Variants in TSHR observed in about 807,000 individuals in gnomAD.
The protein encoded by TSHR is thyrotropin receptor.
Under a neutral mutation model 64.1 loss-of-function variants are expected in TSHR, and 51 were observed. That is an observed-to-expected ratio of 0.80 (90% CI 0.64 to 1.01). The LOEUF is 1.01. TSHR is among the 50% of genes least tolerant of loss of function. TSHR has a pLI of 0.00. For synonymous variants in TSHR, 361 were observed against 361.9 expected (o/e 1.00, Z 0.03); for missense variants, 877 against 942.8 (o/e 0.93, Z 0.91).
intron 1 of TSHR, among the ~76,000 whole-genome samples, chr14:80,985,854 A>T (rs1441634666): frequency 1.3e-5 from 2 of 152,210 alleles, no homozygotes; most frequent in African/African-American, 4.8e-5. Context: ...CAGTGGGAAG[A>T]TCTTTGCTGA....
At chr14:80,962,738 A>C (rs2139689041) in intron 1 of TSHR, among the ~76,000 whole-genome samples, 1 of 152,366 alleles carries the variant, frequency 6.6e-6, no homozygotes, top group South Asian at 2.1e-4. Context: ...GATGGAGGCC[A>C]AACTAGCTTC....
intron 8 of TSHR, among the ~76,000 whole-genome samples, chr14:81,136,718 C>T (rs1484983650): frequency 6.6e-6 from 1 of 152,196 alleles, no homozygotes; most frequent in Non-Finnish European, 1.5e-5. Flanking sequence ...TGAGCACCTA[C>T]CATATGCCAA....
At chr14:81,083,073 C>G (rs1306304776) in intron 3 of TSHR, among the ~76,000 whole-genome samples, 2 of 152,090 alleles carry the variant, frequency 1.3e-5, no homozygotes, top group Non-Finnish European at 2.9e-5. Flanking sequence ...AAGTGTTTTC[C>G]CCTTCTTCTG....
intron 1 of TSHR, among the ~76,000 whole-genome samples, chr14:81,023,586 T>A (rs1883888037): frequency 6.6e-6 from 1 of 152,118 alleles, no homozygotes; most frequent in Admixed American, 6.6e-5. Context: ...AGGGGCATTG[T>A]TCAATATCAA....
chr14:80,992,827 TAACTATAAA>T (rs1888809589), intron 1 of TSHR: 1 of 152,204 alleles, frequency 6.6e-6, no homozygotes, highest in Non-Finnish European at 1.5e-5. Flanking sequence ...GAGCTGCAGT[TAACTATAAA>T]AACAGGAAAG....
chr14:80,974,383 G>T (rs1223042626), intron 1 of TSHR, among the ~76,000 whole-genome samples: 1 of 152,160 alleles, frequency 6.6e-6, no homozygotes, highest in African/African-American at 2.4e-5. Flanking sequence ...AGTCTAACTA[G>T]GGGGTCTCTG....
chr14:80,963,072 A>G (rs1317205024), intron 1 of TSHR, among the ~76,000 whole-genome samples: 1 of 152,242 alleles, frequency 6.6e-6, no homozygotes, highest in Admixed American at 6.5e-5. Flanking sequence ...TTACTCAATT[A>G]TACATTTTAA....
rs549408999 is a variant in TSHR at position 81,070,284 on chromosome 14, G to A, written c.317+1956G>A. On this transcript the variant is annotated intron_variant, in intron 3 of 9. Coordinates refer to ENST00000298171, the MANE Select transcript of TSHR (RefSeq NM_000369.5). ...GGATAAATACGAAGAAAGCTACATCGAGGCACATCATAGTAAAATTGCTAA... is the reference window on the plus strand; with the variant it reads ...GGATAAATACGAAGAAAGCTACATCAAGGCACATCATAGTAAAATTGCTAA... 1.1e-4 allele frequency among the ~76,000 whole-genome samples: 16 copies of A among 152,172 alleles called. 1 individual carries two copies. Among genetic ancestry groups the A allele is most frequent in the South Asian group, 4.2e-4 (2 of 4,812 alleles).
chr14:80,976,355 A>T (rs1887875020), intron 1 of TSHR, among the ~76,000 whole-genome samples: 1 of 152,144 alleles, frequency 6.6e-6, no homozygotes. Flanking sequence ...TAACTTAGGG[A>T]GTAGTCTGAC....
chr14:81,080,529 A>G (rs1227015659), intron 3 of TSHR, among the ~76,000 whole-genome samples: 3 of 152,152 alleles, frequency 2.0e-5, no homozygotes, highest in African/African-American at 7.2e-5. Flanking sequence ...ATTTTCTTCA[A>G]TGTGCTTTAA....
intron 8 of TSHR, among the ~76,000 whole-genome samples, chr14:81,129,745 C>A (rs1270288109): frequency 1.3e-5 from 2 of 152,218 alleles, no homozygotes; most frequent in Non-Finnish European, 2.9e-5. Flanking sequence ...ACCCATCTTC[C>A]TGTGTCTATG....
chr14:81,113,077 G>T (rs147198068), intron 8 of TSHR, among the ~76,000 whole-genome samples: 1 of 152,136 alleles, frequency 6.6e-6, no homozygotes. Context: ...GGAACATGCC[G>T]GCTGTTGTGT....
intron 3 of TSHR, among the ~76,000 whole-genome samples, chr14:81,075,254 C>T (rs1384216189): frequency 6.6e-6 from 1 of 152,204 alleles, no homozygotes; most frequent in East Asian, 1.9e-4. Flanking sequence ...CCTCCCAGCT[C>T]CAGAAATTCT....
rs778471035 is a variant in TSHR, at chr14:81,096,592, A to C, written c.546-47A>C. On this transcript the variant is annotated intron_variant, in intron 6 of 9. Transcript: ENST00000298171. The stretch of plus-strand genomic sequence containing the variant: ...TCCAACTCTCCAGAAACAGGCCAGC[A>C]CCACTTCTCACCAGTCACTGATTTC... 13 of 1,587,226 alleles carry C rather than the reference A, an allele frequency of 8.2e-6. No homozygotes were observed. In the Admixed American group the frequency reaches 2.2e-4, roughly 27 times the overall value.
intron 8 of TSHR, among the ~76,000 whole-genome samples, chr14:81,138,015 G>A (rs551328729): frequency 7.9e-5 from 12 of 152,242 alleles, no homozygotes; most frequent in Admixed American, 5.2e-4. Flanking sequence ...CAAAAAGGAC[G>A]GATGAGGCCA....
intron 1 of TSHR, among the ~76,000 whole-genome samples, chr14:81,042,962 T>A (rs991748252): frequency 7.2e-5 from 11 of 152,004 alleles, no homozygotes; most frequent in Admixed American, 7.2e-4. Flanking sequence ...GAGCCGTATA[T>A]AAAAAACCCA....
At chr14:80,962,640 A>G (rs1376554913) in intron 1 of TSHR, among the ~76,000 whole-genome samples, 1 of 152,238 alleles carries the variant, frequency 6.6e-6, no homozygotes, top group East Asian at 1.9e-4. Context: ...ACCATAATGA[A>G]GAACCTGGTA....
chr14:81,122,827 A>G (rs1890860926), intron 8 of TSHR, among the ~76,000 whole-genome samples: 1 of 152,162 alleles, frequency 6.6e-6, no homozygotes, highest in Non-Finnish European at 1.5e-5. Flanking sequence ...TCCATGCATT[A>G]TTTTAATAAA....
chr14:81,066,921 T>C (rs1364796809), intron 2 of TSHR, among the ~76,000 whole-genome samples: 4 of 152,228 alleles, frequency 2.6e-5, no homozygotes, highest in African/African-American at 9.6e-5. Flanking sequence ...TTTGGCTGCA[T>C]TAGTCATTCT....
Sources: gnomAD v4.1 joint callset for allele counts (sites outside exome capture counted in the v4.1 genomes callset) on GRCh38, gnomAD v4.1.1 for gene constraint, MANE v1.5 for transcripts, NCBI Gene and HGNC (gene_info 2026-07-23, HGNC 2026-07-21) for gene names.